The following SGK3 variants were observed in gnomAD, a reference collection of about 807,000 sequenced individuals.
SGK3 encodes the protein serine/threonine-protein kinase Sgk3.
SGK3 carries 47 observed loss-of-function variants against 68.5 expected under a neutral mutation model. That is an observed-to-expected ratio of 0.69 (90% confidence interval 0.54 to 0.87). SGK3 has a LOEUF of 0.87. Ranked by LOEUF, SGK3 falls within the 40% of genes least tolerant of loss-of-function variation. The pLI, the probability that SGK3 is intolerant of heterozygous loss-of-function variation, is 0.00. For missense variants in SGK3, 479 were observed against 575.5 expected (o/e 0.83, Z 1.72); for synonymous variants, 181 against 189.1 (o/e 0.96, Z 0.35).
At chr8:66,844,172 A>G (rs1809915946) in intron 14 of SGK3, among the ~76,000 whole-genome samples, 1 of 152,168 alleles carries the variant, frequency 6.6e-6, no homozygotes, top group East Asian at 1.9e-4. Context: ...AGTTTACTCA[A>G]ATATCACTCT....
At chr8:66,810,672 G>A (rs1052974401) in intron 4 of SGK3, among the ~76,000 whole-genome samples, 2 of 152,180 alleles carry the variant, frequency 1.3e-5, no homozygotes, top group African/African-American at 2.4e-5. Flanking sequence ...TTGCACTCCA[G>A]CCTAGGCAAC....
At chr8:66,761,767 T>TAAAA (rs980513068) in intron 1 of SGK3, among the ~76,000 whole-genome samples, 2 of 148,282 alleles carry the variant, frequency 1.3e-5, no homozygotes, top group Non-Finnish European at 3.0e-5. Context: ...AGACTCTCTC[T>TAAAA]AAAAAAAAAA....
chr8:66,751,960 T>C (rs1805831347), intron 1 of SGK3, among the ~76,000 whole-genome samples: 1 of 152,058 alleles, frequency 6.6e-6, no homozygotes, highest in South Asian at 2.1e-4. Context: ...AGATGGGGTT[T>C]CTCCATGTTG....
At chr8:66,782,738 T>C (rs1359779343) in intron 1 of SGK3, among the ~76,000 whole-genome samples, 1 of 152,236 alleles carries the variant, frequency 6.6e-6, no homozygotes, top group African/African-American at 2.4e-5. Context: ...GTATGTAGCC[T>C]TTTCAGATTG....
chr8:66,778,618 A>T (rs1173343736), intron 1 of SGK3, among the ~76,000 whole-genome samples: 1 of 152,226 alleles, frequency 6.6e-6, no homozygotes, highest in Non-Finnish European at 1.5e-5. Context: ...TTAAACAAAC[A>T]TGAACTTAAA....
intron 1 of SGK3, among the ~76,000 whole-genome samples, chr8:66,744,769 G>A (rs1304674731): frequency 1.3e-5 from 2 of 149,684 alleles, no homozygotes; most frequent in African/African-American, 4.9e-5. Context: ...GCCTCGCAGT[G>A]TGCTGGGATT....
Position 66,859,872 on chromosome 8 carries a change from GT to G in SGK3, c.*297del, listed in dbSNP as rs921566376. ...AAAGAAACCTTTTTTGCTATTGACT[GT>G]TTTTTCCCTCTAAGTTTACACTAAC... On this transcript the variant is annotated 3_prime_UTR_variant, in exon 17 of 17. Transcript: ENST00000521198. 16 of 228,710 alleles carry G rather than the reference GT, an allele frequency of 7.0e-5. No homozygotes were observed. Among genetic ancestry groups the G allele is most frequent in the African/African-American group, 3.4e-4 (15 of 44,100 alleles). 14.2% of individuals were successfully genotyped at this position (228,710 alleles called of 1,614,324 possible).
chr8:66,744,532 T>TG (rs1284549869), intron 1 of SGK3, among the ~76,000 whole-genome samples: 5,206 of 119,612 alleles, frequency 0.044, 388 homozygotes, highest in African/African-American at 0.078. Context: ...TTTTTTTTTT[T>TG]TTTTTTTTTT....
intron 16 of SGK3, among the ~76,000 whole-genome samples, chr8:66,857,843 A>T (rs1382641039): frequency 5.7e-5 from 4 of 70,674 alleles, no homozygotes; most frequent in Non-Finnish European, 1.3e-4. Flanking sequence ...GTGTGTGTGT[A>T]GGAAAGGTAG....
chr8:66,751,957 G>A (rs954587263), intron 1 of SGK3, among the ~76,000 whole-genome samples: 1 of 152,144 alleles, frequency 6.6e-6, no homozygotes, highest in South Asian at 2.1e-4. Context: ...TAGAGATGGG[G>A]TTTCTCCATG....
At chr8:66,745,920 C>T (rs1012877264) in intron 1 of SGK3, among the ~76,000 whole-genome samples, 1 of 152,078 alleles carries the variant, frequency 6.6e-6, no homozygotes, top group African/African-American at 2.4e-5. Flanking sequence ...GTCCTAAACA[C>T]CTCCCAAAAG....
At chr8:66,743,415 A>C (rs949648472) in intron 1 of SGK3, among the ~76,000 whole-genome samples, 2 of 152,240 alleles carry the variant, frequency 1.3e-5, no homozygotes, top group African/African-American at 4.8e-5. Flanking sequence ...ATTACGTTAT[A>C]TATTACTTAA....
intron 16 of SGK3, among the ~76,000 whole-genome samples, chr8:66,857,788 AGTGTGTGTGTATGTGTGTGTGT>A (rs1367357238): frequency 3.5e-5 from 4 of 115,404 alleles, no homozygotes; most frequent in African/African-American, 1.3e-4. Context: ...GTCTCAAAAA[AGTGTGTGTGTATGTGTGTGTGT>A]GTGTGTGTGT....
At chr8:66,722,956 T>G (rs1804838662) in intron 1 of SGK3, among the ~76,000 whole-genome samples, 1 of 151,446 alleles carries the variant, frequency 6.6e-6, no homozygotes, top group Non-Finnish European at 1.5e-5. Flanking sequence ...ATCTGCCCCA[T>G]GATCCAAACA....
chr8:66,859,165 T>C (rs1157907211), intron 16 of SGK3, among the ~76,000 whole-genome samples: 1 of 152,012 alleles, frequency 6.6e-6, no homozygotes, highest in Non-Finnish European at 1.5e-5. Flanking sequence ...ACCCTGTCTG[T>C]ACTAAAAATA....
intron 1 of SGK3, among the ~76,000 whole-genome samples, chr8:66,784,564 C>T (rs2130539598): frequency 6.6e-6 from 1 of 152,076 alleles, no homozygotes; most frequent in African/African-American, 2.4e-5. Flanking sequence ...GAGGTAAAAG[C>T]AGAAGAATCT....
chr8:66,792,999 A>C (rs1807527155), intron 1 of SGK3, among the ~76,000 whole-genome samples: 1 of 152,194 alleles, frequency 6.6e-6, no homozygotes, highest in Admixed American at 6.5e-5. Context: ...TGACATCTCT[A>C]GCCCTTTGTT....
chr8:66,812,584 G>A (rs16933061), intron 4 of SGK3, among the ~76,000 whole-genome samples: 170 of 151,486 alleles, frequency 1.1e-3, no homozygotes, highest in African/African-American at 3.8e-3. Flanking sequence ...GAGGGTTTAG[G>A]ATAATGGCTT....
chr8:66,833,348 ATTTCTGTTCAT>A (rs1055417384), intron 8 of SGK3, among the ~76,000 whole-genome samples: 1 of 151,830 alleles, frequency 6.6e-6, no homozygotes, highest in Non-Finnish European at 1.5e-5. Context: ...TCTACATTGC[ATTTCTGTTCAT>A]TTTCTGTTCA....
Sources: allele counts gnomAD v4.1 joint callset (sites outside exome capture counted in the v4.1 genomes callset), GRCh38; gene constraint gnomAD v4.1.1; transcripts MANE v1.5; gene names NCBI Gene and HGNC (gene_info 2026-07-23, HGNC 2026-07-21).